MYO3A: variants seen among roughly 807,000 people sequenced by gnomAD.
The protein encoded by MYO3A is myosin IIIA, also known as myosin-IIIa.
Under a neutral mutation model 192.7 loss-of-function variants are expected in MYO3A, and 180 were observed. That is an observed-to-expected ratio of 0.93 (90% CI 0.83 to 1.06). The LOEUF (loss-of-function observed/expected upper bound fraction) is 1.06. Ranked by LOEUF, MYO3A falls within the 50% of genes least tolerant of loss-of-function variation. The pLI is 0.00. For synonymous variants in MYO3A, 628 were observed against 645.3 expected (o/e 0.97, Z 0.41); for missense variants, 1,896 against 1,905.0 (o/e 1.00, Z 0.09).
intron 31 of MYO3A, among the ~76,000 whole-genome samples, chr10:26,186,243 T>G (rs1842859205): frequency 1.3e-5 from 2 of 151,584 alleles, no homozygotes; most frequent in African/African-American, 4.8e-5. Flanking sequence ...TGTCCTGACA[T>G]CCTGTCCATC....
At chr10:26,050,245 G>A (rs1421795432) in intron 10 of MYO3A, among the ~76,000 whole-genome samples, 2 of 152,112 alleles carry the variant, frequency 1.3e-5, no homozygotes, top group South Asian at 2.1e-4. Context: ...GGGATTACAG[G>A]TGTGAGCCAC....
At chr10:25,996,050 G>C (rs2130897048) in intron 4 of MYO3A, among the ~76,000 whole-genome samples, 1 of 152,314 alleles carries the variant, frequency 6.6e-6, no homozygotes, top group South Asian at 2.1e-4. Context: ...GGACATTTAA[G>C]TCTGCAGAAG....
chr10:25,980,369 C>CG (rs1195664769), intron 4 of MYO3A, among the ~76,000 whole-genome samples: 2 of 152,128 alleles, frequency 1.3e-5, no homozygotes. Context: ...TGAGAAAAAG[C>CG]GGTCCTAGTC....
chr10:26,062,800 A>G (rs1834592969), intron 10 of MYO3A, among the ~76,000 whole-genome samples: 1 of 152,268 alleles, frequency 6.6e-6, no homozygotes, highest in East Asian at 1.9e-4. Context: ...AAATCGAAAG[A>G]CAGGTGGGGC....
intron 10 of MYO3A, among the ~76,000 whole-genome samples, chr10:26,054,842 C>T (rs568569105): frequency 1.8e-4 from 27 of 152,336 alleles, no homozygotes; most frequent in East Asian, 5.8e-4. Flanking sequence ...GCTGATGACA[C>T]GGTGAATTTC....
At chr10:25,962,916 A>T (rs1838025513) in intron 4 of MYO3A, among the ~76,000 whole-genome samples, 3 of 152,188 alleles carry the variant, frequency 2.0e-5, no homozygotes, top group African/African-American at 7.2e-5. Flanking sequence ...TTAAGTAGGT[A>T]AGGAAATCTG....
intron 10 of MYO3A, among the ~76,000 whole-genome samples, chr10:26,063,140 A>G (rs12252534): frequency 0.31 from 47,050 of 151,742 alleles, 7,532 homozygotes; most frequent in Middle Eastern, 0.44. Context: ...GTGACCAGAA[A>G]TCTGCAACAC....
At chr10:26,016,757 G>C in intron 6 of MYO3A, 63 bp from the exon 7 acceptor site, 2 of 1,446,966 alleles carry the variant, frequency 1.4e-6, no homozygotes. Context: ...AAAGATTATA[G>C]CAATTGAAAG....
chr10:25,967,696 G>A (rs1343143666), intron 4 of MYO3A, among the ~76,000 whole-genome samples: 1 of 151,992 alleles, frequency 6.6e-6, no homozygotes, highest in Non-Finnish European at 1.5e-5. Context: ...TTATAAATAT[G>A]TTCAACAATT....
chr10:26,060,825 G>T (rs1042939795), intron 10 of MYO3A, among the ~76,000 whole-genome samples: 1 of 152,172 alleles, frequency 6.6e-6, no homozygotes, highest in East Asian at 1.9e-4. Context: ...ATGATTTAAA[G>T]CTATTTTCTA....
chr10:26,008,080 A>G (rs868649709), intron 6 of MYO3A, among the ~76,000 whole-genome samples: 2 of 140,154 alleles, frequency 1.4e-5, no homozygotes, highest in African/African-American at 3.0e-5. Context: ...ATAACGCCGC[A>G]TATCTACAAC....
chr10:26,070,544 G>A (rs563155802), intron 14 of MYO3A, 143 bp downstream of exon 14: 1 of 796,462 alleles, frequency 1.3e-6, no homozygotes, highest in Non-Finnish European at 2.0e-6. Context: ...TCCTTTGAGA[G>A]TTTAAAATAA....
intron 17 of MYO3A, among the ~76,000 whole-genome samples, chr10:26,102,089 T>A (rs1837489937): frequency 1.3e-5 from 2 of 152,210 alleles, no homozygotes; most frequent in Non-Finnish European, 2.9e-5. Context: ...GGAAGCTTTG[T>A]TTGTTTCTTT....
intron 10 of MYO3A, among the ~76,000 whole-genome samples, chr10:26,042,576 A>T (rs1001718980): frequency 6.6e-6 from 1 of 152,228 alleles, no homozygotes; most frequent in Admixed American, 6.5e-5. Flanking sequence ...TCTTCTGCTT[A>T]GTCAAATCTA....
chr10:25,984,353 G>T (rs1188486687), intron 4 of MYO3A, among the ~76,000 whole-genome samples: 1 of 152,154 alleles, frequency 6.6e-6, no homozygotes, highest in African/African-American at 2.4e-5. Flanking sequence ...CCAAGTTTCT[G>T]TTGTCTTCAG....
chr10:26,074,797 T>C lies in MYO3A; in HGVS notation c.1359+4396T>C, dbSNP rs183645616. ...TTTTGCATGAGCATTTGATGTGATA[T>C]CCAAAAAATCATTGCCAATGCCAAT... On this transcript the variant is annotated intron_variant, in intron 14 of 34. Coordinates refer to ENST00000642920, the MANE Select transcript of MYO3A (RefSeq NM_017433.5). 6.6e-5 allele frequency among the ~76,000 whole-genome samples: 10 copies of C among 152,064 alleles called. No individual in the cohort carries two copies. The East Asian group carries it at 1.9e-3, about 29-fold the overall frequency.
intron 4 of MYO3A, among the ~76,000 whole-genome samples, chr10:25,982,074 T>C (rs1192236648): frequency 6.6e-6 from 1 of 152,068 alleles, no homozygotes; most frequent in Non-Finnish European, 1.5e-5. Context: ...GACTGGCCTT[T>C]AGGACTGCAG....
At chr10:26,143,342 G>A (rs565241200) in intron 20 of MYO3A, 106 bp from the exon 21 acceptor site, 14 of 1,218,660 alleles carry the variant, frequency 1.1e-5, no homozygotes, top group Non-Finnish European at 1.5e-5. Context: ...AAAAAAGCAA[G>A]GTCAAAGGGA....
chr10:26,021,849 T>G, intron 8 of MYO3A: 1 of 651,836 alleles, frequency 1.5e-6, no homozygotes, highest in Admixed American at 2.6e-5. Flanking sequence ...TAAAAGAGCT[T>G]TCTCTTGATA....
Sources: allele counts gnomAD v4.1 joint callset (sites outside exome capture counted in the v4.1 genomes callset), GRCh38; gene constraint gnomAD v4.1.1; transcripts MANE v1.5; gene names NCBI Gene and HGNC (gene_info 2026-07-23, HGNC 2026-07-21).